Variants in RAD51 observed in about 807,000 individuals in gnomAD.
RAD51 encodes the protein DNA repair protein RAD51 homolog 1.
A neutral mutation model predicts 41.5 loss-of-function variants in RAD51; 14 were observed. That is an observed-to-expected ratio of 0.34 (90% CI 0.22 to 0.53). The LOEUF is 0.53. RAD51 is among the 20% of genes least tolerant of loss of function. RAD51 has a pLI of 0.95. For synonymous variants in RAD51, 136 were observed against 148.6 expected (o/e 0.92, Z 0.62); for missense variants, 234 against 422.0 (o/e 0.55, Z 3.90).
chr15:40,711,541 A>G (rs1342112104), intron 5 of RAD51, among the ~76,000 whole-genome samples: 1 of 152,226 alleles, frequency 6.6e-6, no homozygotes, highest in Admixed American at 6.5e-5. Context: ...TGTTTAAGGA[A>G]TAGAAAGGGG....
rs1191416027 is a variant in RAD51, at chr15:40,732,275, A to G, written c.*1097A>G. ...GTTGCTTCAAGATTTGAAACCAGAA[A>G]GGAAAGTCCCACTTGCAGATGATTG... is the stretch of plus-strand genomic sequence containing the variant. On this transcript the variant is annotated 3_prime_UTR_variant, in exon 10 of 10. Coordinates refer to ENST00000267868, the MANE Select transcript of RAD51 (RefSeq NM_002875.5). 1 of 177,460 alleles carries G rather than the reference A, an allele frequency of 5.6e-6. No homozygotes were observed. The highest frequency in any genetic ancestry group is 1.2e-5 in the Non-Finnish European group (1 of 82,706). 11.0% of individuals were successfully genotyped at this position (177,460 alleles called of 1,614,324 possible).
chr15:40,701,017 T>C (rs1396360998), intron 2 of RAD51, 47 bp from the exon 3 acceptor site: 1 of 1,611,558 alleles, frequency 6.2e-7, no homozygotes, highest in Non-Finnish European at 8.5e-7. Context: ...CTGTGTTAGA[T>C]TAGAGAACTA....
intron 5 of RAD51, among the ~76,000 whole-genome samples, chr15:40,718,266 C>A (rs1896084640): frequency 6.6e-6 from 1 of 151,130 alleles, no homozygotes; most frequent in East Asian, 1.9e-4. Flanking sequence ...GCCTATAATC[C>A]CAACACTTTG....
At chr15:40,708,482 C>T (rs376130091) in intron 4 of RAD51, among the ~76,000 whole-genome samples, 5 of 152,042 alleles carry the variant, frequency 3.3e-5, no homozygotes, top group Middle Eastern at 3.4e-3. Flanking sequence ...CCCGCCTCGG[C>T]CCCCTAAAGT....
intron 5 of RAD51, among the ~76,000 whole-genome samples, chr15:40,717,917 T>A (rs1405161011): frequency 1.3e-5 from 2 of 152,218 alleles, no homozygotes; most frequent in East Asian, 3.8e-4. Flanking sequence ...TGATCAGTCT[T>A]GTGTTGGTAT....
At chr15:40,711,665 G>T (rs1335727213) in intron 5 of RAD51, among the ~76,000 whole-genome samples, 2 of 152,194 alleles carry the variant, frequency 1.3e-5, no homozygotes, top group Non-Finnish European at 2.9e-5. Flanking sequence ...TAACTGTATA[G>T]AATGGGATGA....
At chr15:40,719,938 A>G (rs573904286) in intron 6 of RAD51, among the ~76,000 whole-genome samples, 42 of 152,330 alleles carry the variant, frequency 2.8e-4, no homozygotes, top group South Asian at 1.2e-3. Flanking sequence ...ACGCCTAACA[A>G]CAAAACCCCA....
intron 5 of RAD51, among the ~76,000 whole-genome samples, chr15:40,715,818 C>T (rs943738479): frequency 3.3e-5 from 5 of 152,208 alleles, no homozygotes; most frequent in African/African-American, 1.2e-4. Flanking sequence ...TTAATATTAC[C>T]TGGAGGTAGG....
At chr15:40,696,346 G>A (rs546924069) in intron 1 of RAD51, among the ~76,000 whole-genome samples, 128 of 152,106 alleles carry the variant, frequency 8.4e-4, no homozygotes, top group African/African-American at 3.0e-3. Context: ...AAGTGGAGGC[G>A]GGAGGACGAT....
Position 40,706,294 on chromosome 15 carries a change from G to C in RAD51, c.343G>C (p.Gly115Arg). Residue 115 changes from glycine (G) to arginine (R), a missense_variant and splice_region_variant, in exon 4 of 10, where the codon GGT (glycine) becomes CGT (arginine). Gly to Arg is a moderately radical substitution (Grantham distance 125). This residue lies in a region of RAD51 where 100 missense variants were observed against 135.5 expected (regional missense o/e 0.74). Transcript: ENST00000267868. ...GSKELDKLLQGGIETGSITEM... is the reference protein window; with the variant it reads ...GSKELDKLLQRGIETGSITEM... ...CAAAGAGCTTGACAAACTACTTCAA[G>C]GTGTAGTAATCCTTTATCCTGTGTT... The C allele has an allele frequency of 6.3e-7, 1 of 1,595,332 alleles. No homozygotes were observed. Among genetic ancestry groups the C allele is most frequent in the Non-Finnish European group, 8.6e-7 (1 of 1,162,872 alleles).
intron 2 of RAD51, among the ~76,000 whole-genome samples, chr15:40,700,771 C>T (rs187610128): frequency 2.4e-4 from 37 of 152,046 alleles, no homozygotes; most frequent in Non-Finnish European, 4.4e-5. Context: ...CAACAAACTA[C>T]GTATCAAAAA....
intron 6 of RAD51, among the ~76,000 whole-genome samples, chr15:40,719,857 T>C (rs572225392): frequency 2.8e-4 from 43 of 151,656 alleles, no homozygotes; most frequent in African/African-American, 1.0e-3. Context: ...ACACATTATA[T>C]ACAAAGAGGA....
At chr15:40,721,873 A>G (rs1896288022) in intron 6 of RAD51, among the ~76,000 whole-genome samples, 1 of 152,242 alleles carries the variant, frequency 6.6e-6, no homozygotes, top group Non-Finnish European at 1.5e-5. Context: ...AGATACTTGG[A>G]CAGCGATGTT....
At position 40,706,258 on chromosome 15, in the gene RAD51, A is replaced by T; in HGVS notation, c.307A>T (p.Thr103Ser). Residue 103 changes from threonine to serine, a missense_variant, in exon 4 of 10, where the codon ACT becomes TCT. Around this residue, in one of 2 missense-constraint regions of RAD51, gnomAD observed 100 missense variants for 135.5 expected, o/e 0.74. Coordinates refer to ENST00000267868, the MANE Select transcript of RAD51 (RefSeq NM_002875.5). ...AAGGCGGTCAGAGATCATACAGATT[A>T]CTACTGGCTCCAAAGAGCTTGACAA... ...HQRRSEIIQI[T>S]TGSKELDKLL... 1 of 1,614,024 alleles carries T rather than the reference A, an allele frequency of 6.2e-7. No homozygotes were observed. The highest frequency in any genetic ancestry group is 8.5e-7 in the Non-Finnish European group (1 of 1,179,842).
intron 5 of RAD51, among the ~76,000 whole-genome samples, chr15:40,713,114 C>G (rs1262527000): frequency 6.6e-6 from 1 of 151,630 alleles, no homozygotes; most frequent in East Asian, 1.9e-4. Context: ...CTCCTGACCT[C>G]AAGTTAATCT....
intron 6 of RAD51, among the ~76,000 whole-genome samples, chr15:40,724,291 T>C (rs1400620521): frequency 1.3e-5 from 2 of 152,216 alleles, no homozygotes; most frequent in Non-Finnish European, 2.9e-5. Flanking sequence ...ATTCATACTT[T>C]TAAGTATACT....
chr15:40,720,893 C>T (rs1374433801), intron 6 of RAD51, among the ~76,000 whole-genome samples: 1 of 152,180 alleles, frequency 6.6e-6, no homozygotes, highest in East Asian at 1.9e-4. Flanking sequence ...ACTAAAATGG[C>T]ATTCTTGGCC....
At chr15:40,711,746 G>A (rs1028762849) in intron 5 of RAD51, among the ~76,000 whole-genome samples, 13 of 152,180 alleles carry the variant, frequency 8.5e-5, no homozygotes, top group African/African-American at 2.7e-4. Context: ...CTGGTTTAGA[G>A]TTTGTGTAGA....
intron 2 of RAD51, among the ~76,000 whole-genome samples, chr15:40,700,142 C>T (rs576133748): frequency 6.6e-6 from 1 of 152,304 alleles, no homozygotes; most frequent in East Asian, 1.9e-4. Context: ...TCTCTCCCCT[C>T]TTCTAAATTC....
Sources: allele counts gnomAD v4.1 joint callset (sites outside exome capture counted in the v4.1 genomes callset), GRCh38; gene constraint gnomAD v4.1.1; regional missense constraint gnomAD v4.1.1; transcripts MANE v1.5; gene names NCBI Gene and HGNC (gene_info 2026-07-23, HGNC 2026-07-21).